Variants in MYT1L observed in about 807,000 individuals in gnomAD.
MYT1L encodes myelin transcription factor 1 like, also known as myelin transcription factor 1-like protein.
Under a neutral mutation model 126.7 loss-of-function variants are expected in MYT1L, and 12 were observed. That is an observed-to-expected ratio of 0.09 (90% CI 0.06 to 0.15). The LOEUF (loss-of-function observed/expected upper bound fraction) is 0.15. Among genes scored for constraint, MYT1L ranks in the 10% least tolerant of loss-of-function variants. The pLI is 1.00. For synonymous variants in MYT1L, 541 were observed against 604.2 expected (o/e 0.90, Z 1.53); for missense variants, 979 against 1,585.2 (o/e 0.62, Z 6.49).
chr2:2,075,874 G>A (rs1175896278), intron 3 of MYT1L, among the ~76,000 whole-genome samples: 1 of 152,216 alleles, frequency 6.6e-6, no homozygotes, highest in Admixed American at 6.5e-5. Context: ...TTTTAATTTG[G>A]GGCCATTCCC....
chr2:1,852,225 C>T lies in MYT1L; in HGVS notation c.2712-522G>A, dbSNP rs1332370288. On this transcript the variant is annotated intron_variant, in intron 18 of 24. Transcript: ENST00000647738. The surrounding 1 kb of genome is among the most constrained non-coding windows in gnomAD (Gnocchi z 4.0). ...TGGTCCCAGGGAGCAGTGAGGGTAT[C>T]GACCCGCATCTGGACCATGGGAATG... Among the ~76,000 whole-genome samples, 2 of 152,194 alleles carry T rather than the reference C, an allele frequency of 1.3e-5. No homozygotes were observed. The highest frequency in any genetic ancestry group is 6.5e-5 in the Admixed American group (1 of 15,278).
At chr2:1,945,341 C>A (rs1211873526) in intron 8 of MYT1L, among the ~76,000 whole-genome samples, 1 of 152,128 alleles carries the variant, frequency 6.6e-6, no homozygotes, top group East Asian at 1.9e-4. Flanking sequence ...CAGAAGACAG[C>A]CAGCGCCATG....
chr2:1,943,338 AT>A lies in MYT1L; in HGVS notation c.153-5del, dbSNP rs1391980615. On this transcript the variant is annotated splice_polypyrimidine_tract_variant and splice_region_variant and intron_variant, in intron 8 of 24. Coordinates refer to ENST00000647738, the MANE Select transcript of MYT1L (RefSeq NM_001303052.2). The surrounding 1 kb of genome is among the most constrained non-coding windows in gnomAD (Gnocchi z 4.4). ...CGCCAAGGGACAACCATATACACTA[AT>A]TAAAAAAATAGAGAAGGCAGGGGAG... The A allele has an allele frequency of 1.9e-6, 3 of 1,539,584 alleles. No individual in the cohort carries two copies. Among genetic ancestry groups the A allele is most frequent in the Non-Finnish European group, 2.6e-6 (3 of 1,144,994 alleles).
chr2:2,013,173 T>C (rs1295961016), intron 4 of MYT1L, among the ~76,000 whole-genome samples: 1 of 152,178 alleles, frequency 6.6e-6, no homozygotes, highest in Non-Finnish European at 1.5e-5. Context: ...ATTCATGCGA[T>C]GTCTCAAGGA....
chr2:1,989,314 C>T (rs2061298902), intron 5 of MYT1L, among the ~76,000 whole-genome samples: 1 of 152,124 alleles, frequency 6.6e-6, no homozygotes, highest in Non-Finnish European at 1.5e-5. Context: ...TCAGGAGCTG[C>T]AGTCCTGAAG....
chr2:2,214,114 T>C (rs2093608613), intron 2 of MYT1L, among the ~76,000 whole-genome samples: 1 of 151,786 alleles, frequency 6.6e-6, no homozygotes, highest in South Asian at 2.1e-4. Context: ...TTTGAAGACA[T>C]AACAATTGAA....
intron 1 of MYT1L, among the ~76,000 whole-genome samples, chr2:2,293,388 C>G (rs1239953177): frequency 1.3e-5 from 2 of 152,188 alleles, no homozygotes; most frequent in Non-Finnish European, 2.9e-5. Flanking sequence ...AGAGAGAGGA[C>G]CTCATTCCCC....
intron 2 of MYT1L, among the ~76,000 whole-genome samples, chr2:2,256,882 G>A (rs899552353): frequency 2.0e-5 from 3 of 152,202 alleles, no homozygotes; most frequent in African/African-American, 7.2e-5. Flanking sequence ...ACATGTATGA[G>A]AGTGTGCATG....
At chr2:2,161,486 G>A (rs537269555) in intron 3 of MYT1L, among the ~76,000 whole-genome samples, 1 of 152,204 alleles carries the variant, frequency 6.6e-6, no homozygotes, top group Non-Finnish European at 1.5e-5. Context: ...GGCCACTCTG[G>A]GAGCCTGAAG....
chr2:1,956,773 A>G (rs530782298), intron 8 of MYT1L, among the ~76,000 whole-genome samples: 140 of 152,320 alleles, frequency 9.2e-4, no homozygotes, highest in African/African-American at 3.3e-3. Context: ...TTCTTGTGAC[A>G]GATAATACTG....
rs371872213 is a variant in MYT1L, at chr2:1,979,550, G to A, written c.60C>T (p.Pro20=). ...ACAGCTCTTGTATGGCTGGTTCCAC[G>A]GGAACTGCAGAGAGATGGAAATAGA... ...HRTRSKGVRV[P]VEPAIQELFS... is the part of the protein sequence containing the mutation. Residue 20 remains proline, a synonymous_variant, in exon 7 of 25, where the codon CCC becomes CCT. Transcript: ENST00000647738. The surrounding 1 kb of genome is among the most constrained non-coding windows in gnomAD (Gnocchi z 4.0). The A allele has an allele frequency of 1.8e-5, 29 of 1,613,466 alleles. No homozygotes were observed. The African/African-American group carries it at 2.9e-4, about 16-fold the overall frequency.
chr2:1,867,229 A>C (rs1181397257), intron 18 of MYT1L, among the ~76,000 whole-genome samples: 1 of 151,826 alleles, frequency 6.6e-6, no homozygotes. Context: ...TGTCAGGGAG[A>C]CCTTGGGCGA....
chr2:1,986,363 T>C (rs535856028), intron 5 of MYT1L, among the ~76,000 whole-genome samples: 6 of 152,070 alleles, frequency 3.9e-5, no homozygotes, highest in Non-Finnish European at 5.9e-5. Flanking sequence ...AAGCCAGAAG[T>C]CAGCAAGGAG....
At chr2:2,311,577 G>A (rs944716285) in intron 1 of MYT1L, among the ~76,000 whole-genome samples, 1 of 152,158 alleles carries the variant, frequency 6.6e-6, no homozygotes, top group Non-Finnish European at 1.5e-5. Context: ...ACTTTGGGGG[G>A]CACCATTCAG....
intron 9 of MYT1L, among the ~76,000 whole-genome samples, chr2:1,939,069 C>T (rs7591787): frequency 0.11 from 17,262 of 152,264 alleles, 1,122 homozygotes; most frequent in East Asian, 0.32. Flanking sequence ...GACTTTCTCT[C>T]TACTCGCAAG....
At chr2:1,994,250 CT>C (rs2061657126) in intron 5 of MYT1L, among the ~76,000 whole-genome samples, 1 of 152,224 alleles carries the variant, frequency 6.6e-6, no homozygotes, top group Admixed American at 6.5e-5. Flanking sequence ...CCTCACCAGG[CT>C]CAGCCCTGGT....
At chr2:2,282,853 C>T (rs910991560) in intron 2 of MYT1L, among the ~76,000 whole-genome samples, 8 of 152,156 alleles carry the variant, frequency 5.3e-5, no homozygotes, top group African/African-American at 1.9e-4. Flanking sequence ...GGTGGGCAGA[C>T]CACTTGAGGT....
chr2:1,942,279 C>T (rs890348644), intron 9 of MYT1L, among the ~76,000 whole-genome samples: 1 of 152,136 alleles, frequency 6.6e-6, no homozygotes, highest in Non-Finnish European at 1.5e-5. Context: ...CGGATAGTAA[C>T]AGAACACTGG....
At chr2:2,116,135 C>T (rs2080185158) in intron 3 of MYT1L, among the ~76,000 whole-genome samples, 2 of 152,226 alleles carry the variant, frequency 1.3e-5, no homozygotes, top group Admixed American at 1.3e-4. Context: ...CCTCATGAGG[C>T]CCATGCTGAG....
Sources: allele counts gnomAD v4.1 joint callset (sites outside exome capture counted in the v4.1 genomes callset), GRCh38; gene constraint gnomAD v4.1.1; non-coding constraint Gnocchi (gnomAD v3.1); transcripts MANE v1.5; gene names NCBI Gene and HGNC (gene_info 2026-07-23, HGNC 2026-07-21).